KRT82: variants seen among roughly 807,000 people sequenced by gnomAD.
KRT82 encodes keratin 82.
In KRT82, 44 loss-of-function variants were observed where a neutral mutation model predicts 48.0. The ratio of observed to expected loss-of-function variants is 0.92; its 90% confidence interval spans 0.72 to 1.18. The LOEUF (loss-of-function observed/expected upper bound fraction) is 1.18. Ranked by LOEUF, KRT82 falls within the 50% of genes most tolerant of loss-of-function variation. The pLI is 0.00. For synonymous variants in KRT82, 297 were observed against 278.3 expected (o/e 1.07, Z -0.67); for missense variants, 701 against 671.4 (o/e 1.04, Z -0.49).
chr12:52,405,370 C>A (rs747397194), intron 1 of KRT82, among the ~76,000 whole-genome samples: 49 of 152,150 alleles, frequency 3.2e-4, no homozygotes, highest in Non-Finnish European at 6.2e-4. Context: ...TGACCGTCAC[C>A]CTGTGCCTCT....
chr12:52,399,086 A>C (rs1592153475), intron 5 of KRT82, among the ~76,000 whole-genome samples: 1 of 151,922 alleles, frequency 6.6e-6, no homozygotes, highest in South Asian at 2.1e-4. Flanking sequence ...CTTTGCAATC[A>C]CTTCCTGCTA....
chr12:52,401,152 C>G lies in KRT82; in HGVS notation c.681+137G>C, dbSNP rs912591114. On this transcript the variant is annotated intron_variant, in intron 3 of 8. Coordinates refer to ENST00000257974, the MANE Select transcript of KRT82 (RefSeq NM_033033.4). ...TCATTCTCAGAGTTAGTGGGGCTGG[C>G]ACAGGAGTCTGAGGGGCGAAAAACC... is the stretch of plus-strand genomic sequence containing the variant. 18 of 656,128 alleles carry G rather than the reference C, an allele frequency of 2.7e-5. No individual in the cohort carries two copies. In the African/African-American group the frequency reaches 3.1e-4, roughly 11 times the overall value. The allele number at this position is 656,128 out of a possible 1,614,324, so 40.6% of individuals were successfully genotyped here. A position where few individuals can be genotyped will look rare whatever the true frequency, so the allele number is the denominator to read the frequency against.
At chr12:52,397,164 G>A (rs1462408720) in intron 5 of KRT82, among the ~76,000 whole-genome samples, 156 bp from the exon 6 acceptor site, 5 of 152,118 alleles carry the variant, frequency 3.3e-5, no homozygotes, top group Non-Finnish European at 5.9e-5. Flanking sequence ...TCCGCTTCTG[G>A]GCAATTTTGG....
Position 52,406,274 on chromosome 12 carries a change from A to T in KRT82, c.4T>A (p.Ser2Thr). Residue 2 changes from serine (S) to threonine (T), a missense_variant, in exon 1 of 9, where the codon TCG becomes ACG. Transcript: ENST00000257974. ...GAGCCTGGCTGGAAAGAGTGGTACG[A>T]CATGGCAGGAGAGAGAGGCAGAGAA... The part of the protein sequence containing the change: M[S>T]YHSFQPGSRC... 6.3e-7 allele frequency: 1 copy of T among 1,589,048 alleles called. No homozygotes were observed.
intron 2 of KRT82, 27 bp downstream of exon 2, chr12:52,403,674 A>G: frequency 7.2e-7 from 1 of 1,382,776 alleles, no homozygotes; most frequent in Non-Finnish European, 1.0e-6. Flanking sequence ...CAGGTCCACC[A>G]GTGGGGTAAA....
At chr12:52,399,950 C>A in intron 5 of KRT82, 35 bp downstream of exon 5, 1 of 1,601,688 alleles carries the variant, frequency 6.2e-7, no homozygotes, top group Non-Finnish European at 8.5e-7. Context: ...TTTGTCACCT[C>A]TCCAGTCTCC....
rs555719668 is a variant in KRT82 at position 52,396,311 on chromosome 12, G to A, written c.1069-79C>T. ...ACTCGCAGAAGAGCAGAGAGAACAC[G>A]GGGGTGGCTACGTGCCAGGCTCACA... On this transcript the variant is annotated intron_variant, in intron 6 of 8. Coordinates refer to ENST00000257974, the MANE Select transcript of KRT82 (RefSeq NM_033033.4). 19 of 1,349,628 alleles carry A rather than the reference G, an allele frequency of 1.4e-5. No homozygotes were observed. The South Asian group carries it at 1.5e-4, about 11-fold the overall frequency. The allele number at this position is 1,349,628 out of a possible 1,614,324, so 83.6% of individuals were successfully genotyped here.
chr12:52,403,680 G>A (rs765857632), intron 2 of KRT82, 21 bp downstream of exon 2: 1 of 1,465,540 alleles, frequency 6.8e-7, no homozygotes, highest in Admixed American at 1.7e-5. Flanking sequence ...CACCAGTGGG[G>A]TAAAAGCAGC....
rs1939688478 is a variant in KRT82, at chr12:52,394,882, G to A, written c.*93C>T. The stretch of plus-strand genomic sequence containing the variant: ...ATGTGGAGTCAATAAAGGGAGGTGG[G>A]GTTTTGGAACATCCTTGTCTTCAGC... On this transcript the variant is annotated 3_prime_UTR_variant, in exon 9 of 9. Transcript: ENST00000257974. The A allele has an allele frequency of 9.2e-7, 1 of 1,084,766 alleles. No homozygotes were observed. The highest frequency in any genetic ancestry group is 2.4e-5 in the East Asian group (1 of 42,146). 67.2% of individuals were successfully genotyped at this position (1,084,766 alleles called of 1,614,324 possible).
chr12:52,395,456 C>G (rs777967573), intron 8 of KRT82, among the ~76,000 whole-genome samples: 3 of 152,180 alleles, frequency 2.0e-5, no homozygotes, highest in Non-Finnish European at 4.4e-5. Context: ...TCTACTGGTC[C>G]CTCCTTCCTA....
chr12:52,401,982 T>C (rs982357826), intron 2 of KRT82: 1 of 152,300 alleles, frequency 6.6e-6, no homozygotes, highest in African/African-American at 2.4e-5. Context: ...TCTCTCTTTT[T>C]TTCCAGCAGA....
rs755267742 is a variant in KRT82 at position 52,395,163 on chromosome 12, C to T, written c.1354G>A (p.Glu452Lys). 11 of 1,613,850 alleles carry T rather than the reference C, an allele frequency of 6.8e-6. No individual in the cohort carries two copies. Among genetic ancestry groups the T allele is most frequent in the African/African-American group, 5.3e-5 (4 of 74,882 alleles). Reference sequence around the variant, plus strand: ...ACAGGCGTGCTGACCCCACATGGCTCGTACAGGAAGGCGCCTTTGGAGCTG... The same window carrying T: ...ACAGGCGTGCTGACCCCACATGGCTTGTACAGGAAGGCGCCTTTGGAGCTG... ...VSSSKGAFLY[E>K]PCGVSTPVLS... Residue 452 changes from glutamate (E) to lysine (K), a missense_variant, in exon 9 of 9, where the codon GAG becomes AAG. Glu to Lys is a moderately conservative substitution (Grantham distance 56). Coordinates refer to ENST00000257974, the MANE Select transcript of KRT82 (RefSeq NM_033033.4).
At position 52,396,162 on chromosome 12, in the gene KRT82, C is replaced by T; in HGVS notation, c.1139G>A (p.Cys380Tyr). The change falls in exon 7 of 9, where the codon TGC becomes TAC. Residue 380 changes from cysteine (C) to tyrosine (Y), a missense_variant. Coordinates refer to ENST00000257974, the MANE Select transcript of KRT82 (RefSeq NM_033033.4). The part of the protein sequence containing the change: ...QGEAALNDAK[C>Y]KLAGLEEALQ... ...AGCCTCCTCCAGCCCTGCCAGCTTG[C>T]ACTTGGCATCATTGAGAGCCGCCTC... 2 of 1,614,208 alleles carry T rather than the reference C, an allele frequency of 1.2e-6. No homozygotes were observed.
At chr12:52,400,266 T>C (rs1193880856) in intron 4 of KRT82, 117 bp from the exon 5 acceptor site, 3 of 1,075,060 alleles carry the variant, frequency 2.8e-6, no homozygotes, top group Non-Finnish European at 4.0e-6. Flanking sequence ...GCTATGGCTG[T>C]TCTGGGCTTC....
At chr12:52,402,683 C>T (rs1236874158) in intron 2 of KRT82, among the ~76,000 whole-genome samples, 1 of 150,804 alleles carries the variant, frequency 6.6e-6, no homozygotes. Context: ...GGTCTGTGCA[C>T]ACTGGACTGG....
Position 52,397,092 on chromosome 12 carries a change from C to A in KRT82, c.943-84G>T, listed in dbSNP as rs2121470754. ...TTTCTCACTGTTCCCAGTCTTTTCTCCCGTGACTTCCTAGTTCAGGTGTTC... is the reference window on the plus strand; with the variant it reads ...TTTCTCACTGTTCCCAGTCTTTTCTACCGTGACTTCCTAGTTCAGGTGTTC... On this transcript the variant is annotated intron_variant, in intron 5 of 8. Coordinates refer to ENST00000257974, the MANE Select transcript of KRT82 (RefSeq NM_033033.4). The A allele has an allele frequency of 2.0e-6, 3 of 1,514,780 alleles. No individual in the cohort carries two copies. In the East Asian group the frequency reaches 6.8e-5, roughly 34 times the overall value. 93.8% of individuals were successfully genotyped at this position (1,514,780 alleles called of 1,614,324 possible).
chr12:52,396,942 G>C lies in KRT82; in HGVS notation c.1009C>G (p.Leu337Val). The C allele has an allele frequency of 6.2e-7, 1 of 1,614,112 alleles. No individual in the cohort carries two copies. The stretch of plus-strand genomic sequence containing the variant: ...CGCTGGATCAGTTTATTCATTTCCA[G>C]GATCTCGTTCTTACGGTTGCGGAGG... The part of the protein sequence containing the change: ...DNLRNRKNEI[L>V]EMNKLIQRLQ... Residue 337 changes from leucine to valine, a missense_variant, in exon 6 of 9, where the codon CTG (leucine) becomes GTG (valine). Coordinates refer to ENST00000257974, the MANE Select transcript of KRT82 (RefSeq NM_033033.4).
chr12:52,402,611 C>G (rs752571473), intron 2 of KRT82, among the ~76,000 whole-genome samples: 4 of 152,200 alleles, frequency 2.6e-5, no homozygotes, highest in Admixed American at 6.5e-5. Context: ...TTCCTGGACT[C>G]CCGCTCTTTC....
At chr12:52,403,001 G>A (rs570200492) in intron 2 of KRT82, among the ~76,000 whole-genome samples, 39 of 152,256 alleles carry the variant, frequency 2.6e-4, no homozygotes, top group African/African-American at 6.0e-4. Context: ...CACTCAGCCC[G>A]GGACCTGGTG....
Sources: gnomAD v4.1 joint callset for allele counts (sites outside exome capture counted in the v4.1 genomes callset) on GRCh38, gnomAD v4.1.1 for gene constraint, MANE v1.5 for transcripts, NCBI Gene and HGNC (gene_info 2026-07-23, HGNC 2026-07-21) for gene names.